TMEM272: variants seen among roughly 807,000 people sequenced by gnomAD.
TMEM272 encodes long intergenic non-protein coding RNA 282.
Under a neutral mutation model 3.7 loss-of-function variants are expected in TMEM272, and 8 were observed. The observed-to-expected ratio is 2.17, with a 90% CI of 1.27 to 3.91. The LOEUF (loss-of-function observed/expected upper bound fraction) is 3.91. Among genes scored for constraint, TMEM272 ranks in the 30% most tolerant of loss-of-function variants. The pLI is 0.00. For synonymous variants in TMEM272, 63 were observed against 39.8 expected (o/e 1.58, Z -2.20); for missense variants, 166 against 91.5 (o/e 1.81, Z -3.32).
At chr13:51,820,553 T>C (rs190748022) in intron 4 of TMEM272, among the ~76,000 whole-genome samples, 1 of 152,368 alleles carries the variant, frequency 6.6e-6, no homozygotes, top group African/African-American at 2.4e-5. Flanking sequence ...GGTCCTGGGC[T>C]GGCTTTCAGA....
At chr13:51,915,459 T>A in the TMEM272 span, among the ~76,000 whole-genome samples, 1 of 152,256 alleles carries the variant, frequency 6.6e-6, no homozygotes, top group South Asian at 2.1e-4. Context: ...AAGAGAGACC[T>A]TTGTTGATGA....
At chr13:51,908,316 TG>T in the TMEM272 span, 32 of 875,662 alleles carry the variant, frequency 3.7e-5, no homozygotes, top group Middle Eastern at 4.8e-4. Context: ...GGGGTGGGGG[TG>T]GGGGCAAAAT....
At chr13:51,824,705 C>T (rs529922820) in intron 3 of TMEM272, among the ~76,000 whole-genome samples, 18 of 152,292 alleles carry the variant, frequency 1.2e-4, no homozygotes, top group African/African-American at 1.9e-4. Flanking sequence ...GTCATCCCAG[C>T]GCTTTGGGAG....
At chr13:51,924,856 C>T in the TMEM272 span, among the ~76,000 whole-genome samples, 3 of 152,160 alleles carry the variant, frequency 2.0e-5, no homozygotes, top group African/African-American at 7.2e-5. Context: ...CCTCTCTCAG[C>T]AGCATTCCCA....
upstream of TMEM272, among the ~76,000 whole-genome samples, chr13:51,848,342 T>C (rs7139421): frequency 0.85 from 129,973 of 152,162 alleles, 56,044 homozygotes; most frequent in Middle Eastern, 0.92. Context: ...TGAACTTCAA[T>C]TCAGGCCACG....
At chr13:51,886,393 T>C in the TMEM272 span, among the ~76,000 whole-genome samples, 1 of 152,216 alleles carries the variant, frequency 6.6e-6, no homozygotes, top group Non-Finnish European at 1.5e-5. Flanking sequence ...AGTAACTCAC[T>C]TAATCTTCAA....
chr13:51,885,873 C>T, the TMEM272 span, among the ~76,000 whole-genome samples: 19 of 152,256 alleles, frequency 1.2e-4, no homozygotes, highest in Non-Finnish European at 2.2e-4. Context: ...TCTGAAATCA[C>T]GCCAAACAAA....
At chr13:51,930,208 T>C in the TMEM272 span, among the ~76,000 whole-genome samples, 1 of 152,144 alleles carries the variant, frequency 6.6e-6, no homozygotes, top group Non-Finnish European at 1.5e-5. Flanking sequence ...GAACAGTTAA[T>C]AGCCGTCTCC....
At position 51,816,289 on chromosome 13, in the gene TMEM272, C is replaced by T. The variant is rs1025906541; in HGVS notation, c.*462G>A. On this transcript the variant is annotated 3_prime_UTR_variant, in exon 5 of 5. Coordinates refer to ENST00000629372, the MANE Select transcript of TMEM272 (RefSeq NM_001351003.2). ...CTTTTAATAACAAAAGCCATCATAGCGAGTGAAGTTAAGATATATCTTGTG... is the reference window on the plus strand; with the variant it reads ...CTTTTAATAACAAAAGCCATCATAGTGAGTGAAGTTAAGATATATCTTGTG... 2.6e-5 allele frequency: 4 copies of T among 156,470 alleles called. No homozygotes were observed. Among genetic ancestry groups the T allele is most frequent in the African/African-American group, 7.2e-5 (3 of 41,482 alleles). The allele number at this position is 156,470 out of a possible 1,614,324, so 9.7% of individuals were successfully genotyped here.
chr13:51,881,920 A>G, the TMEM272 span, among the ~76,000 whole-genome samples: 2 of 152,228 alleles, frequency 1.3e-5, no homozygotes, highest in African/African-American at 2.4e-5. Flanking sequence ...AGTGCAAGAG[A>G]GAAAGAGGAC....
intron 2 of TMEM272, among the ~76,000 whole-genome samples, chr13:51,836,888 G>A (rs1956220845): frequency 6.6e-6 from 1 of 152,226 alleles, no homozygotes; most frequent in Non-Finnish European, 1.5e-5. Context: ...AAGGGAAGAA[G>A]AAAGAGTGAT....
intron 1 of TMEM272, among the ~76,000 whole-genome samples, 173 bp from the exon 2 acceptor site, chr13:51,838,726 A>G (rs1263529547): frequency 6.6e-6 from 1 of 152,110 alleles, no homozygotes; most frequent in Admixed American, 6.5e-5. Flanking sequence ...GGGCTGAGAA[A>G]AAGACCCCCT....
the TMEM272 span, among the ~76,000 whole-genome samples, chr13:51,851,469 A>G: frequency 1.3e-5 from 2 of 151,432 alleles, no homozygotes; most frequent in Non-Finnish European, 2.9e-5. Flanking sequence ...TTTTCACTTA[A>G]TAATGTATCC....
At chr13:51,927,974 G>A in the TMEM272 span, among the ~76,000 whole-genome samples, 1 of 152,102 alleles carries the variant, frequency 6.6e-6, no homozygotes, top group African/African-American at 2.4e-5. Context: ...GTCGGGTTTT[G>A]AACTCGGGTC....
At chr13:51,870,891 C>T in the TMEM272 span, among the ~76,000 whole-genome samples, 140,741 of 152,260 alleles carry the variant, frequency 0.92, 65,259 homozygotes, top group East Asian at 1. Context: ...TTGTAGAAGA[C>T]AGGAGGTTTA....
rs191146282 is a variant in TMEM272, at chr13:51,814,542, A to T, written c.*2209T>A. On this transcript the variant is annotated 3_prime_UTR_variant, in exon 5 of 5. Coordinates refer to ENST00000629372, the MANE Select transcript of TMEM272 (RefSeq NM_001351003.2). Reference sequence around the variant, plus strand: ...TGCAATCATAGCTCACTGTAACCTCAAACCAGGGAAGATGTATGACCTATA... The same window carrying T: ...TGCAATCATAGCTCACTGTAACCTCTAACCAGGGAAGATGTATGACCTATA... 62 of 152,362 alleles carry T rather than the reference A, an allele frequency of 4.1e-4. No homozygotes were observed. Among genetic ancestry groups the T allele is most frequent in the African/African-American group, 1.4e-3 (59 of 41,576 alleles). 9.4% of individuals were successfully genotyped at this position (152,362 alleles called of 1,614,324 possible). A position where few individuals can be genotyped will look rare whatever the true frequency, so the allele number is the denominator to read the frequency against.
intron 4 of TMEM272, among the ~76,000 whole-genome samples, chr13:51,818,118 C>T (rs947415940): frequency 6.6e-6 from 1 of 152,210 alleles, no homozygotes; most frequent in Non-Finnish European, 1.5e-5. Flanking sequence ...CGAGGCCACA[C>T]TCATGGCACC....
chr13:51,909,292 G>C, the TMEM272 span: 7 of 996,688 alleles, frequency 7.0e-6, no homozygotes, highest in South Asian at 9.0e-5. Context: ...TGATAAAAAA[G>C]AATAGTTCTC....
At position 51,817,013 on chromosome 13, in the gene TMEM272, T is replaced by C. The variant is rs1156548221; in HGVS notation, c.302A>G (p.Asn101Ser). The C allele has an allele frequency of 1.4e-6, 1 of 702,888 alleles. No individual in the cohort carries two copies. The highest frequency in any genetic ancestry group is 2.6e-6 in the Non-Finnish European group (1 of 385,006). The allele number at this position is 702,888 out of a possible 1,614,324, so 43.5% of individuals were successfully genotyped here. A position where few individuals can be genotyped will look rare whatever the true frequency, so the allele number is the denominator to read the frequency against. Residue 101 changes from asparagine (N) to serine (S), a missense_variant, in exon 5 of 5, where the codon AAT (asparagine) becomes AGT (serine). By Grantham distance (46) the Asn-to-Ser change is conservative. Transcript: ENST00000629372. ...DDDDEYPWRQNAHRYYIHLLL... is the reference protein window; with the variant it reads ...DDDDEYPWRQSAHRYYIHLLL... ...GAGGTGGATGTAGTATCTGTGCGCA[T>C]TCTGCCTCCAGGGGTATTCGTCATC... is the stretch of plus-strand genomic sequence containing the variant.
Sources: gnomAD v4.1 joint callset for allele counts (sites outside exome capture counted in the v4.1 genomes callset) on GRCh38, gnomAD v4.1.1 for gene constraint, MANE v1.5 for transcripts, NCBI Gene and HGNC (gene_info 2026-07-23, HGNC 2026-07-21) for gene names.